Variants in EHMT1 observed in about 807,000 individuals in gnomAD.
The protein encoded by EHMT1 is euchromatic histone lysine methyltransferase 1.
In EHMT1, 15 loss-of-function variants were observed where a neutral mutation model predicts 147.2. The ratio of observed to expected loss-of-function variants is 0.10; its 90% confidence interval spans 0.07 to 0.16. EHMT1 has a LOEUF of 0.16. Ranked by LOEUF, EHMT1 falls within the 10% of genes least tolerant of loss-of-function variation. The pLI is 1.00. For synonymous variants in EHMT1, 795 were observed against 709.6 expected, an observed-to-expected ratio of 1.12 and a Z score of -1.91; for missense variants, 1,587 against 1,772.4, an observed-to-expected ratio of 0.90 and a Z score of 1.88.
intron 18 of EHMT1, chr9:137,802,950 G>C: frequency 2.4e-6 from 3 of 1,232,720 alleles, no homozygotes; most frequent in Non-Finnish European, 3.0e-6. Context: ...GCTGTGGCGG[G>C]TACCTTGGAG....
At chr9:137,660,282 G>A (rs370046393) in intron 1 of EHMT1, among the ~76,000 whole-genome samples, 2 of 152,028 alleles carry the variant, frequency 1.3e-5, no homozygotes, top group East Asian at 3.9e-4. Context: ...GTTGCAGTGA[G>A]CTGAGATTGC....
intron 1 of EHMT1, among the ~76,000 whole-genome samples, chr9:137,670,270 C>T (rs1253004913): frequency 6.6e-6 from 1 of 152,016 alleles, no homozygotes; most frequent in Admixed American, 6.6e-5. Flanking sequence ...TGTGTGCATC[C>T]TCCCTCATTC....
intron 1 of EHMT1, among the ~76,000 whole-genome samples, chr9:137,698,072 C>T (rs565085848): frequency 3.3e-5 from 5 of 152,224 alleles, no homozygotes; most frequent in East Asian, 3.9e-4. Context: ...GCGTGGCTCG[C>T]GGAGGCCTCA....
At chr9:137,692,734 C>A (rs993557848) in intron 1 of EHMT1, among the ~76,000 whole-genome samples, 2 of 152,088 alleles carry the variant, frequency 1.3e-5, no homozygotes, top group South Asian at 4.1e-4. Flanking sequence ...GTGTGTCGGA[C>A]GGCAGTGAAC....
chr9:137,688,234 G>A (rs1445021078), intron 1 of EHMT1, among the ~76,000 whole-genome samples: 1 of 152,194 alleles, frequency 6.6e-6, no homozygotes, highest in African/African-American at 2.4e-5. Context: ...ATGTTGGCCA[G>A]GCTGGTCTCG....
In EHMT1 at chr9:137,815,836, G is replaced by A. The variant is rs200477688; in HGVS notation, c.3259-111G>A. ...TGTTCAAGTTTGGCCAGAAACCATC[G>A]TTTTTATGTCCGTTTAAGCCACACT... On this transcript the variant is annotated intron_variant, in intron 22 of 26. Coordinates refer to ENST00000460843, the MANE Select transcript of EHMT1 (RefSeq NM_024757.5). 3.0e-5 allele frequency: 28 copies of A among 940,882 alleles called. No homozygotes were observed. The Middle Eastern group carries it at 6.2e-4, about 21-fold the overall frequency. 58.3% of individuals were successfully genotyped at this position (940,882 alleles called of 1,614,324 possible).
chr9:137,764,023 G>C (rs1457122982), intron 10 of EHMT1: 1 of 152,544 alleles, frequency 6.6e-6, no homozygotes, highest in Non-Finnish European at 1.5e-5. Flanking sequence ...TGGCCTGGCT[G>C]GGATTTTGCT....
chr9:137,766,632 C>T (rs964400684), intron 10 of EHMT1, among the ~76,000 whole-genome samples: 2 of 152,128 alleles, frequency 1.3e-5, no homozygotes, highest in African/African-American at 4.8e-5. Context: ...AAAACAAAAA[C>T]AAAAACTACC....
chr9:137,634,606 CTTTCATTTCT>C (rs1271393739), intron 1 of EHMT1, among the ~76,000 whole-genome samples: 1 of 149,236 alleles, frequency 6.7e-6, no homozygotes, highest in Non-Finnish European at 1.5e-5. Flanking sequence ...CTTGCATTTT[CTTTCATTTCT>C]TTTCTTTTCT....
chr9:137,689,426 C>T (rs912052064), intron 1 of EHMT1, among the ~76,000 whole-genome samples: 16 of 152,036 alleles, frequency 1.1e-4, no homozygotes, highest in African/African-American at 3.1e-4. Context: ...TTGACACGGC[C>T]GGGTGCGGTG....
chr9:137,791,093 C>T (rs1952488049), intron 16 of EHMT1, 123 bp downstream of exon 16: 2 of 1,507,568 alleles, frequency 1.3e-6, no homozygotes, highest in Non-Finnish European at 1.8e-6. Flanking sequence ...ACCCAGTTGT[C>T]CAGAAATAGT....
intron 1 of EHMT1, among the ~76,000 whole-genome samples, chr9:137,707,266 C>G (rs531231530): frequency 6.6e-6 from 1 of 152,328 alleles, no homozygotes; most frequent in East Asian, 1.9e-4. Context: ...TGCTTCAGCA[C>G]CCTAGGAGCA....
chr9:137,758,153 A>G, intron 9 of EHMT1, 142 bp downstream of exon 9: 1 of 1,168,000 alleles, frequency 8.6e-7, no homozygotes, highest in Admixed American at 1.8e-5. Flanking sequence ...TGAGGTGTAG[A>G]CAGGATGGGG....
At chr9:137,792,987 G>A (rs1005608128) in intron 16 of EHMT1, among the ~76,000 whole-genome samples, 2 of 152,158 alleles carry the variant, frequency 1.3e-5, no homozygotes, top group African/African-American at 2.4e-5. Context: ...TAGATGACCC[G>A]CTTCTGGGTT....
intron 9 of EHMT1, among the ~76,000 whole-genome samples, chr9:137,759,293 A>AT (rs1329437018): frequency 1.3e-5 from 2 of 152,222 alleles, no homozygotes; most frequent in Admixed American, 6.5e-5. Flanking sequence ...CTTTCCGAGT[A>AT]TAACACTGGG....
chr9:137,800,083 G>A (rs1433423825), intron 17 of EHMT1, among the ~76,000 whole-genome samples: 1 of 152,220 alleles, frequency 6.6e-6, no homozygotes, highest in Non-Finnish European at 1.5e-5. Flanking sequence ...CCGCAGGGGA[G>A]ATGTAGCTTT....
chr9:137,695,033 A>G (rs527366907), intron 1 of EHMT1, among the ~76,000 whole-genome samples: 4 of 152,280 alleles, frequency 2.6e-5, no homozygotes, highest in Middle Eastern at 3.4e-3. Flanking sequence ...GGTCATGGCT[A>G]CTTTTTGGTT....
At chr9:137,682,067 C>T (rs4567119) in intron 1 of EHMT1, among the ~76,000 whole-genome samples, 36,849 of 151,846 alleles carry the variant, frequency 0.24, 5,069 homozygotes, top group African/African-American at 0.36. Flanking sequence ...TCTCCTGCCT[C>T]AGCCTCCCGA....
Position 137,628,454 on chromosome 9 carries a change from A to G in EHMT1, c.21+9405A>G, listed in dbSNP as rs139546724. Among the ~76,000 whole-genome samples, 41 of 152,336 alleles carry G rather than the reference A, an allele frequency of 2.7e-4. No homozygotes were observed. The East Asian group carries it at 5.8e-3, about 21-fold the overall frequency. On this transcript the variant is annotated intron_variant, in intron 1 of 26. Coordinates refer to ENST00000460843, the MANE Select transcript of EHMT1 (RefSeq NM_024757.5). ...TTTTTAATTACACAATATAATTTAT[A>G]AAACATTTTGTAGAGATGGAGTCTC...
Sources: allele counts gnomAD v4.1 joint callset (sites outside exome capture counted in the v4.1 genomes callset), GRCh38; gene constraint gnomAD v4.1.1; transcripts MANE v1.5; gene names NCBI Gene and HGNC (gene_info 2026-07-23, HGNC 2026-07-21).